The following SPMIP7 variants were observed in gnomAD, a reference collection of about 807,000 sequenced individuals.
SPMIP7 encodes protein SPMIP7.
the SPMIP7 span, among the ~76,000 whole-genome samples, chr7:50,150,927 C>T: frequency 3.3e-4 from 50 of 152,326 alleles, 4 homozygotes; most frequent in South Asian, 0.01. Context: ...AGAATTAATG[C>T]TGGTGTACGT....
chr7:50,150,093 T>C, the SPMIP7 span, among the ~76,000 whole-genome samples: 1 of 152,198 alleles, frequency 6.6e-6, no homozygotes, highest in African/African-American at 2.4e-5. Flanking sequence ...GAGCAACTCC[T>C]ATAAGCTCCA....
At chr7:50,156,474 T>C in the SPMIP7 span, among the ~76,000 whole-genome samples, 12 of 152,008 alleles carry the variant, frequency 7.9e-5, no homozygotes. Context: ...TCCTCACTTA[T>C]TAAGAGCTAA....
At chr7:50,153,666 A>T in the SPMIP7 span, among the ~76,000 whole-genome samples, 1 of 152,200 alleles carries the variant, frequency 6.6e-6, no homozygotes, top group African/African-American at 2.4e-5. Flanking sequence ...CAGATAAGGA[A>T]ACTGAGGCAC....
chr7:50,103,052 T>TTA, the SPMIP7 span, among the ~76,000 whole-genome samples: 5,709 of 143,722 alleles, frequency 0.04, 111 homozygotes, highest in Middle Eastern at 0.069. Context: ...ATCATATATT[T>TTA]TATATATATA....
chr7:50,146,173 C>T, the SPMIP7 span, among the ~76,000 whole-genome samples: 3 of 152,304 alleles, frequency 2.0e-5, no homozygotes, highest in African/African-American at 4.8e-5. Flanking sequence ...CACACTCCCT[C>T]ATTTGTTTTT....
chr7:50,108,381 A>G, the SPMIP7 span, among the ~76,000 whole-genome samples: 1 of 152,170 alleles, frequency 6.6e-6, no homozygotes, highest in Non-Finnish European at 1.5e-5. Context: ...AAGATACATA[A>G]CATACACAAG....
the SPMIP7 span, among the ~76,000 whole-genome samples, chr7:50,136,737 A>AT: frequency 2.0e-5 from 3 of 152,042 alleles, no homozygotes; most frequent in Non-Finnish European, 4.4e-5. Flanking sequence ...CTCACATGTA[A>AT]TTTTCACATT....
At chr7:50,119,657 T>C in the SPMIP7 span, among the ~76,000 whole-genome samples, 3 of 152,228 alleles carry the variant, frequency 2.0e-5, no homozygotes, top group Non-Finnish European at 4.4e-5. Context: ...GACTGCTACT[T>C]GCTTTCCTAT....
At chr7:50,141,576 C>T in the SPMIP7 span, 1 of 536,430 alleles carries the variant, frequency 1.9e-6, no homozygotes, top group African/African-American at 1.9e-5. Flanking sequence ...TCACTTGGGG[C>T]CCTTGAGCAA....
At chr7:50,125,359 T>TAC in the SPMIP7 span, among the ~76,000 whole-genome samples, 4 of 133,578 alleles carry the variant, frequency 3.0e-5, no homozygotes, top group African/African-American at 1.2e-4. Context: ...CACACATATA[T>TAC]ATACACATAT....
At chr7:50,146,486 C>G in the SPMIP7 span, among the ~76,000 whole-genome samples, 2 of 152,176 alleles carry the variant, frequency 1.3e-5, no homozygotes, top group Admixed American at 6.5e-5. Flanking sequence ...ATATACCCAC[C>G]AGATGAAGAG....
At chr7:50,125,556 A>G in the SPMIP7 span, among the ~76,000 whole-genome samples, 1 of 150,064 alleles carries the variant, frequency 6.7e-6, no homozygotes, top group African/African-American at 2.5e-5. Context: ...CTAAGTGTCC[A>G]TAGACAGATG....
At chr7:50,125,967 C>A in the SPMIP7 span, among the ~76,000 whole-genome samples, 3 of 151,890 alleles carry the variant, frequency 2.0e-5, no homozygotes, top group South Asian at 2.1e-4. Context: ...TTTTTGGCAT[C>A]CTCACCACAT....
chr7:50,142,983 G>T, the SPMIP7 span, among the ~76,000 whole-genome samples: 1 of 152,072 alleles, frequency 6.6e-6, no homozygotes, highest in African/African-American at 2.4e-5. Flanking sequence ...GCCAAGTAAG[G>T]TACAGAGAGC....
chr7:50,145,891 A>G, the SPMIP7 span, among the ~76,000 whole-genome samples: 1 of 151,358 alleles, frequency 6.6e-6, no homozygotes, highest in East Asian at 1.9e-4. Flanking sequence ...ATAATCTTTT[A>G]TCTAAGGACG....
the SPMIP7 span, chr7:50,121,428 A>G: frequency 1.3e-5 from 2 of 152,222 alleles, no homozygotes; most frequent in African/African-American, 4.8e-5. Flanking sequence ...CTTTCAGCCA[A>G]TCACAGGCTG....
chr7:50,112,867 G>A, the SPMIP7 span, among the ~76,000 whole-genome samples: 1 of 151,822 alleles, frequency 6.6e-6, no homozygotes, highest in African/African-American at 2.4e-5. Context: ...GCAGAGAAGA[G>A]GGAGTTATCC....
At chr7:50,129,441 G>A in the SPMIP7 span, among the ~76,000 whole-genome samples, 1 of 151,914 alleles carries the variant, frequency 6.6e-6, no homozygotes, top group Admixed American at 6.6e-5. Context: ...CTAAGTATTT[G>A]CTGATGTTTC....
At chr7:50,125,233 TATATACAC>T in the SPMIP7 span, among the ~76,000 whole-genome samples, 15 of 50,464 alleles carry the variant, frequency 3.0e-4, no homozygotes, top group Admixed American at 1.5e-3. Context: ...TATACACATA[TATATACAC>T]ATATATACAC....
Sources: gnomAD v4.1 joint callset for allele counts (sites outside exome capture counted in the v4.1 genomes callset) on GRCh38, gnomAD v4.1.1 for gene constraint, MANE v1.5 for transcripts, NCBI Gene and HGNC (gene_info 2026-07-23, HGNC 2026-07-21) for gene names.